The following CCDC90B variants were observed in gnomAD, a reference collection of about 807,000 sequenced individuals.
CCDC90B encodes coiled-coil domain-containing protein 90B, mitochondrial.
In CCDC90B, 24 loss-of-function variants were observed where a neutral mutation model predicts 37.0. That is an observed-to-expected ratio of 0.65 (90% CI 0.47 to 0.91). The LOEUF (loss-of-function observed/expected upper bound fraction) is 0.91. CCDC90B is among the 40% of genes least tolerant of loss of function. The pLI is 0.00. For synonymous variants in CCDC90B, 113 were observed against 101.1 expected, an observed-to-expected ratio of 1.12 and a Z score of -0.71; for missense variants, 319 against 299.0, an observed-to-expected ratio of 1.07 and a Z score of -0.49.
chr11:83,276,215 C>T (rs1417764266), intron 3 of CCDC90B, among the ~76,000 whole-genome samples: 2 of 152,024 alleles, frequency 1.3e-5, no homozygotes, highest in East Asian at 1.9e-4. Context: ...GGCTGGCAGT[C>T]GTGTTTGCCC....
intron 1 of CCDC90B, chr11:83,285,535 C>A (rs1591069327): frequency 1.7e-6 from 2 of 1,170,938 alleles, no homozygotes; most frequent in South Asian, 2.0e-5. Flanking sequence ...AAACAGGACA[C>A]CCTCAAACAC....
intron 1 of CCDC90B, among the ~76,000 whole-genome samples, chr11:83,281,981 C>T (rs1295370717): frequency 6.6e-6 from 1 of 151,970 alleles, no homozygotes; most frequent in Non-Finnish European, 1.5e-5. Flanking sequence ...ATTTAATACA[C>T]CTAACCTGCT....
At position 83,272,386 on chromosome 11, in the gene CCDC90B, A is replaced by T. The variant is rs1591044629; in HGVS notation, c.594+1261T>A. On this transcript the variant is annotated intron_variant, in intron 7 of 8. Coordinates refer to ENST00000529689, the MANE Select transcript of CCDC90B (RefSeq NM_021825.5). ...CATAATAACATATTTATACCTGAAT[A>T]CATAAGATGATAAACTAAGAAGCAA... Among the ~76,000 whole-genome samples, 3 of 152,348 alleles carry T rather than the reference A, an allele frequency of 2.0e-5. No homozygotes were observed. In the South Asian group the frequency reaches 6.2e-4, roughly 32 times the overall value.
intron 7 of CCDC90B, among the ~76,000 whole-genome samples, chr11:83,268,427 A>G (rs1197837224): frequency 2.6e-5 from 1 of 39,144 alleles, no homozygotes; most frequent in Admixed American, 3.2e-4. Context: ...GCAAATGGAA[A>G]GCAAAAAAAA....
chr11:83,283,568 C>G (rs914743340), intron 1 of CCDC90B, among the ~76,000 whole-genome samples: 2 of 152,174 alleles, frequency 1.3e-5, no homozygotes, highest in African/African-American at 4.8e-5. Flanking sequence ...ACTTTGGAAG[C>G]CATAAGGAAC....
intron 3 of CCDC90B, among the ~76,000 whole-genome samples, chr11:83,278,123 T>C (rs2846424): frequency 0.72 from 108,767 of 152,076 alleles, 39,721 homozygotes; most frequent in African/African-American, 0.85. Context: ...ACTACTCAAT[T>C]TCTCTGAGCC....
rs371620701 is a variant in CCDC90B at position 83,285,928 on chromosome 11, T to C, written c.45A>G (p.Arg15=). Residue 15 remains arginine, a synonymous_variant, in exon 1 of 9, where the codon AGA becomes AGG. Transcript: ENST00000529689. ...QAWRLFLSQG[R]GDRWVSRPRG... is the part of the protein sequence containing the mutation. The stretch of plus-strand genomic sequence containing the variant: ...GGGGCCTTGAAACCCAACGATCTCC[T>C]CTGCCTTGGGAGAGAAAGAGCCGCC... The C allele has an allele frequency of 4.3e-6, 7 of 1,613,346 alleles. No individual in the cohort carries two copies. In the African/African-American group the frequency reaches 8.0e-5, roughly 18 times the overall value.
intron 8 of CCDC90B, 69 bp from the exon 9 acceptor site, chr11:83,262,035 T>C: frequency 8.9e-7 from 1 of 1,117,776 alleles, no homozygotes; most frequent in Non-Finnish European, 1.3e-6. Flanking sequence ...AAGAGAATAA[T>C]GTTATCTTTA....
chr11:83,265,801 A>T, intron 8 of CCDC90B, 64 bp downstream of exon 8: 1 of 1,019,506 alleles, frequency 9.8e-7, no homozygotes, highest in Non-Finnish European at 1.5e-6. Flanking sequence ...CTGCTCAGTT[A>T]CCTTGATAGG....
At chr11:83,285,761 C>T (rs926798196) in intron 1 of CCDC90B, 112 bp downstream of exon 1, 5 of 1,474,388 alleles carry the variant, frequency 3.4e-6, no homozygotes, top group Middle Eastern at 1.8e-4. Flanking sequence ...GGCGTGAATC[C>T]GGGAGGAGGG....
chr11:83,277,910 TATCTG>T (rs968254784), intron 3 of CCDC90B, among the ~76,000 whole-genome samples: 1 of 152,178 alleles, frequency 6.6e-6, no homozygotes, highest in African/African-American at 2.4e-5. Context: ...GTAAAATACT[TATCTG>T]AGGAAGGAAG....
At chr11:83,278,998 T>C (rs185684370) in intron 2 of CCDC90B, among the ~76,000 whole-genome samples, 169 bp from the exon 3 acceptor site, 26 of 152,252 alleles carry the variant, frequency 1.7e-4, no homozygotes, top group African/African-American at 6.3e-4. Flanking sequence ...ACTCTACAAC[T>C]TTAGGCCGGG....
intron 8 of CCDC90B, 27 bp from the exon 9 acceptor site, chr11:83,261,993 G>C: frequency 6.7e-7 from 1 of 1,492,740 alleles, no homozygotes; most frequent in Non-Finnish European, 9.2e-7. Flanking sequence ...CTGTGTTATA[G>C]GTCTTGTATC....
chr11:83,275,718 C>T (rs1399755039), intron 3 of CCDC90B, among the ~76,000 whole-genome samples: 1 of 151,984 alleles, frequency 6.6e-6, no homozygotes, highest in Non-Finnish European at 1.5e-5. Flanking sequence ...AACAAGAAAG[C>T]CCAAAAAAGA....
Position 83,280,243 on chromosome 11 carries a change from T to C in CCDC90B, c.118A>G (p.Thr40Ala), listed in dbSNP as rs769276895. The C allele has an allele frequency of 1.3e-5, 21 of 1,612,892 alleles. No individual in the cohort carries two copies. The highest frequency in any genetic ancestry group is 3.3e-4 in the Middle Eastern group (2 of 6,008). The change falls in exon 2 of 9, where the codon ACC (threonine) becomes GCC (alanine). Residue 40 changes from threonine (T) to alanine (A), a missense_variant. Physicochemically the swap from Thr to Ala is moderately conservative, Grantham distance 58. Transcript: ENST00000529689. ...GGCCGCCTATCATATCCCTCCTTGG[T>C]TGTGGTAGTGAAGAACTCTGAAAGA... ...ALRREFFTTT[T>A]KEGYDRRPVD...
chr11:83,285,535 C>G (rs1591069327), intron 1 of CCDC90B: 1 of 1,170,938 alleles, frequency 8.5e-7, no homozygotes, highest in South Asian at 2.0e-5. Context: ...AAACAGGACA[C>G]CCTCAAACAC....
chr11:83,285,186 T>C, intron 1 of CCDC90B: 1 of 1,285,070 alleles, frequency 7.8e-7, no homozygotes, highest in Non-Finnish European at 1.0e-6. Context: ...GCCTATTTTG[T>C]GGACAACCTT....
In CCDC90B at chr11:83,286,008, A is replaced by G; in HGVS notation, c.-36T>C. The G allele has an allele frequency of 6.3e-7, 1 of 1,584,480 alleles. No individual in the cohort carries two copies. The highest frequency in any genetic ancestry group is 8.6e-7 in the Non-Finnish European group (1 of 1,165,170). On this transcript the variant is annotated 5_prime_UTR_variant, in exon 1 of 9. Transcript: ENST00000529689. ...TTTTCCGGTGGGAGGGAGGCGGAAG[A>G]CGGGGTAAATCTCGCACAGGCTTTC...
intron 1 of CCDC90B, chr11:83,285,642 C>A: frequency 7.3e-7 from 1 of 1,377,034 alleles, no homozygotes; most frequent in Non-Finnish European, 9.4e-7. Flanking sequence ...GAAGCCCAGG[C>A]CTTCAAAGGT....
Sources: gnomAD v4.1 joint callset for allele counts (sites outside exome capture counted in the v4.1 genomes callset) on GRCh38, gnomAD v4.1.1 for gene constraint, MANE v1.5 for transcripts, NCBI Gene and HGNC (gene_info 2026-07-23, HGNC 2026-07-21) for gene names.